Variants in PISD observed in about 807,000 individuals in gnomAD.
PISD encodes phosphatidylserine decarboxylase, also known as phosphatidylserine decarboxylase proenzyme, mitochondrial.
A neutral mutation model predicts 43.5 loss-of-function variants in PISD; 31 were observed. The ratio of observed to expected loss-of-function variants is 0.71; its 90% CI spans 0.54 to 0.96. The LOEUF is 0.96. PISD is among the 40% of genes least tolerant of loss of function. PISD has a pLI of 0.00. For missense variants in PISD, 523 were observed against 548.4 expected (o/e 0.95, Z 0.46); for synonymous variants, 259 against 228.7 (o/e 1.13, Z -1.20).
Position 31,620,634 on chromosome 22 carries a change from C to T in PISD, c.924G>A (p.Thr308=), listed in dbSNP as rs762042275. 1.1e-5 allele frequency: 18 copies of T among 1,614,096 alleles called. No individual in the cohort carries two copies. Among genetic ancestry groups the T allele is most frequent in the Middle Eastern group, 1.6e-4 (1 of 6,084 alleles). ...LFCHNERVVL[T]GDWKHGFFSL... ...AGAAGAAGCCATGTTTCCAGTCCCC[C>T]GTCAGGACCACCCGCTCGTTATGGC... The change falls in exon 7 of 8, where the codon ACG becomes ACA. Residue 308 remains threonine, a synonymous_variant. Coordinates refer to ENST00000439502, the MANE Select transcript of PISD (RefSeq NM_001326411.2).
intron 3 of PISD, among the ~76,000 whole-genome samples, chr22:31,641,329 T>G (rs2073719483): frequency 6.6e-6 from 1 of 152,162 alleles, no homozygotes; most frequent in Non-Finnish European, 1.5e-5. Flanking sequence ...GGGCCAGTGT[T>G]AAGCCAAATA....
chr22:31,657,804 G>A (rs1396365026), intron 1 of PISD, among the ~76,000 whole-genome samples: 1 of 152,210 alleles, frequency 6.6e-6, no homozygotes, highest in African/African-American at 2.4e-5. Context: ...ACAGGCGTGA[G>A]CCACTGCACC....
intron 3 of PISD, among the ~76,000 whole-genome samples, chr22:31,647,702 T>C (rs1426436684): frequency 6.6e-6 from 1 of 152,086 alleles, no homozygotes; most frequent in African/African-American, 2.4e-5. Context: ...TTTTGAGCAA[T>C]AATGACAAAG....
chr22:31,634,167 G>T (rs1394202008), intron 3 of PISD, among the ~76,000 whole-genome samples: 1 of 152,188 alleles, frequency 6.6e-6, no homozygotes, highest in African/African-American at 2.4e-5. Context: ...TGCGGAACAG[G>T]GGTAAAAGGT....
chr22:31,646,399 T>C (rs1014290287), intron 3 of PISD, among the ~76,000 whole-genome samples: 12 of 152,224 alleles, frequency 7.9e-5, no homozygotes, highest in East Asian at 3.8e-4. Flanking sequence ...CTGGGACTTA[T>C]GAGTTAATCA....
In PISD at chr22:31,630,594, A is replaced by G. The variant is rs914613777; in HGVS notation, c.322-8709T>C. On this transcript the variant is annotated intron_variant, in intron 3 of 7. Transcript: ENST00000439502. The surrounding 1 kb of genome is among the most constrained non-coding windows in gnomAD (Gnocchi z 4.4). ...CCGGGCCGTGCCCACGTGGGGACGGAAAAAAAGCCCACGACTCGCTCAACC... is the reference window on the plus strand; with the variant it reads ...CCGGGCCGTGCCCACGTGGGGACGGGAAAAAAGCCCACGACTCGCTCAACC... 6 of 428,984 alleles carry G rather than the reference A, an allele frequency of 1.4e-5. No homozygotes were observed. The highest frequency in any genetic ancestry group is 1.3e-4 in the African/African-American group (6 of 46,726). The allele number at this position is 428,984 out of a possible 1,614,324, so 26.6% of individuals were successfully genotyped here.
At chr22:31,629,282 G>A (rs1180429272) in intron 3 of PISD, 4 of 943,652 alleles carry the variant, frequency 4.2e-6, no homozygotes, top group Non-Finnish European at 5.0e-6. Context: ...GAGGATACGT[G>A]TGCAGGTGCA....
rs1224300052 is a variant in PISD at position 31,621,677 on chromosome 22, G to T, written c.530C>A (p.Ala177Asp). The T allele has an allele frequency of 6.2e-7, 1 of 1,613,700 alleles. No homozygotes were observed. Among genetic ancestry groups the T allele is most frequent in the Non-Finnish European group, 8.5e-7 (1 of 1,179,914 alleles). Reference sequence around the variant, plus strand: ...GCTGTGCAGGCCACAGACAGGCCGGGCCTGCGGCTTCAGCTTGCGCCGGAA... The same window carrying T: ...GCTGTGCAGGCCACAGACAGGCCGGTCCTGCGGCTTCAGCTTGCGCCGGAA... ...EFFRRKLKPQ[A>D]RPVCGLHSVI... Residue 177 changes from alanine (A) to aspartate (D), a missense_variant, in exon 4 of 8, where the codon GCC becomes GAC. Physicochemically the swap from Ala to Asp is moderately radical, Grantham distance 126. Transcript: ENST00000439502.
At position 31,623,728 on chromosome 22, in the gene PISD, C is replaced by T. The variant is rs749185587; in HGVS notation, c.322-1843G>A. ...CCCACCCGGCTGAGCGGTCTGAGGG[C>T]GCCGAAGGGCAGGAGGTAGTAGAGG... On this transcript the variant is annotated intron_variant, in intron 3 of 7. Coordinates refer to ENST00000439502, the MANE Select transcript of PISD (RefSeq NM_001326411.2). 87 of 1,614,002 alleles carry T rather than the reference C, an allele frequency of 5.4e-5. 1 individual carries two copies. The highest frequency in any genetic ancestry group is 6.6e-5 in the South Asian group (6 of 91,086).
chr22:31,626,159 C>T, intron 3 of PISD: 1 of 633,858 alleles, frequency 1.6e-6, no homozygotes, highest in Non-Finnish European at 2.3e-6. Context: ...CAGGGCTGAG[C>T]CAGCCTGCAC....
Position 31,619,553 on chromosome 22 carries a change from A to G in PISD, c.*59T>C. The stretch of plus-strand genomic sequence containing the variant: ...GATGGCCTCATGGGCCTCCCTCTTG[A>G]AAAGACCCTCACTCTGTTTGGAAAA... On this transcript the variant is annotated 3_prime_UTR_variant, in exon 8 of 8. Transcript: ENST00000439502. 1 of 1,462,150 alleles carries G rather than the reference A, an allele frequency of 6.8e-7. No homozygotes were observed. Among genetic ancestry groups the G allele is most frequent in the Non-Finnish European group, 9.5e-7 (1 of 1,048,282 alleles). 90.6% of individuals were successfully genotyped at this position (1,462,150 alleles called of 1,614,324 possible).
Position 31,620,637 on chromosome 22 carries a change from C to T in PISD, c.921G>A (p.Leu307=), listed in dbSNP as rs1282412288. Residue 307 remains leucine, a synonymous_variant, in exon 7 of 8, where the codon CTG becomes CTA. Coordinates refer to ENST00000439502, the MANE Select transcript of PISD (RefSeq NM_001326411.2). ...ELFCHNERVV[L]TGDWKHGFFS... ...AGAAGCCATGTTTCCAGTCCCCCGTCAGGACCACCCGCTCGTTATGGCAGA... is the reference window on the plus strand; with the variant it reads ...AGAAGCCATGTTTCCAGTCCCCCGTTAGGACCACCCGCTCGTTATGGCAGA... 1 of 1,614,236 alleles carries T rather than the reference C, an allele frequency of 6.2e-7. No individual in the cohort carries two copies. The highest frequency in any genetic ancestry group is 1.1e-5 in the South Asian group (1 of 91,086).
At chr22:31,638,308 T>C in intron 3 of PISD, 1 of 931,752 alleles carries the variant, frequency 1.1e-6, no homozygotes, top group Admixed American at 6.2e-5. Flanking sequence ...CCACGTCCCT[T>C]CTGGAGAGTC....
At chr22:31,648,011 T>C in intron 3 of PISD, 90 bp downstream of exon 3, 1 of 1,143,374 alleles carries the variant, frequency 8.7e-7, no homozygotes, top group Non-Finnish European at 1.2e-6. Context: ...ATATTTGACT[T>C]GTTCAAACAT....
At chr22:31,649,110 C>T (rs2073965182) in intron 2 of PISD, among the ~76,000 whole-genome samples, 1 of 152,138 alleles carries the variant, frequency 6.6e-6, no homozygotes, top group Non-Finnish European at 1.5e-5. Flanking sequence ...GTCCCAGCTA[C>T]TAGGTAGGCT....
intron 3 of PISD, chr22:31,623,727 G>A (rs1603396306): frequency 6.2e-7 from 1 of 1,614,160 alleles, no homozygotes; most frequent in South Asian, 1.1e-5. Context: ...CGGTCTGAGG[G>A]CGCCGAAGGG....
intron 3 of PISD, among the ~76,000 whole-genome samples, chr22:31,637,987 G>C (rs1201303243): frequency 6.6e-6 from 1 of 152,238 alleles, no homozygotes; most frequent in Non-Finnish European, 1.5e-5. Flanking sequence ...CAGACCCAGA[G>C]GCCGCCCTGC....
intron 3 of PISD, chr22:31,625,648 G>GACC: frequency 7.4e-7 from 1 of 1,354,022 alleles, no homozygotes; most frequent in Middle Eastern, 1.9e-4. Flanking sequence ...CTCGGGGGCT[G>GACC]ACCACCAGTC....
At chr22:31,625,680 C>T (rs558122991) in intron 3 of PISD, 37 of 1,518,092 alleles carry the variant, frequency 2.4e-5, no homozygotes, top group South Asian at 1.3e-4. Flanking sequence ...ACCTCTACTG[C>T]GAGGCCGCTG....
Sources: allele counts gnomAD v4.1 joint callset (sites outside exome capture counted in the v4.1 genomes callset), GRCh38; gene constraint gnomAD v4.1.1; non-coding constraint Gnocchi (gnomAD v3.1); transcripts MANE v1.5; gene names NCBI Gene and HGNC (gene_info 2026-07-23, HGNC 2026-07-21).